F5: variants seen among roughly 807,000 people sequenced by gnomAD.
F5 encodes activated protein c cofactor.
F5 carries 138 observed loss-of-function variants against 216.4 expected under a neutral mutation model. That is an observed-to-expected ratio of 0.64 (90% confidence interval 0.56 to 0.73). The LOEUF is 0.73. F5 is among the 30% of genes least tolerant of loss of function. The pLI, the probability that F5 is intolerant of heterozygous loss-of-function variation, is 0.00. For missense variants in F5, 2,403 were observed against 2,674.0 expected (o/e 0.90, Z 2.24); for synonymous variants, 916 against 930.7 (o/e 0.98, Z 0.29).
Position 169,513,349 on chromosome 1 carries a change from T to C in F5, c.*964A>G, listed in dbSNP as rs956035197. ...ATGTGATTTTAAGGATGTCTAAAGG[T>C]TCCCCAGTTGTGCAATATCTACAGG... On this transcript the variant is annotated 3_prime_UTR_variant, in exon 25 of 25. Coordinates refer to ENST00000367797, the MANE Select transcript of F5 (RefSeq NM_000130.5). 6.6e-6 allele frequency among the ~76,000 whole-genome samples: 1 copy of C among 151,898 alleles called. No homozygotes were observed. The highest frequency in any genetic ancestry group is 6.6e-5 in the Admixed American group (1 of 15,230).
chr1:169,567,333 T>C (rs1407105825), intron 3 of F5, among the ~76,000 whole-genome samples: 2 of 151,892 alleles, frequency 1.3e-5, no homozygotes, highest in African/African-American at 2.4e-5. Context: ...TGTATACATA[T>C]GTAACTAACC....
chr1:169,548,791 C>A (rs1416822428), intron 10 of F5, among the ~76,000 whole-genome samples: 7 of 151,606 alleles, frequency 4.6e-5, no homozygotes, highest in African/African-American at 7.3e-5. Context: ...ATCACTTGAA[C>A]CCAGGAGGCA....
At position 169,528,047 on chromosome 1, in the gene F5, G is replaced by A; in HGVS notation, c.5467C>T (p.Gln1823Ter). The change falls in exon 17 of 25, where the codon CAA (glutamine) becomes TAA (stop). Residue 1823 changes from glutamine (Q) to a stop codon, truncating the protein, a stop_gained. Transcript: ENST00000367797. LOFTEE classifies it high-confidence loss of function. ...YSLPGLKMYE[Q>*]EWVRLHLLNI... ...AGCAGGTGTAACCTCACCCACTCTT[G>A]CTCATACATTTTCAGGCCAGGCAAG... The A allele has an allele frequency of 6.2e-7, 1 of 1,613,902 alleles. No homozygotes were observed. Among genetic ancestry groups the A allele is most frequent in the Non-Finnish European group, 8.5e-7 (1 of 1,179,846 alleles).
intron 2 of F5, among the ~76,000 whole-genome samples, chr1:169,581,182 G>GA (rs9332503): frequency 0.057 from 8,663 of 152,190 alleles, 337 homozygotes; most frequent in Middle Eastern, 0.12. Context: ...AGTGGCACTA[G>GA]AAAAAACAGG....
Position 169,560,544 on chromosome 1 carries a change from G to A in F5, c.586+10C>T, listed in dbSNP as rs770488236. On this transcript the variant is annotated intron_variant, in intron 4 of 24. Transcript: ENST00000367797. ...TTAGTTGTTGAATCTTTTGGTGGGG[G>A]TGTTCTTACCTTTTTTACAGATAAG... 2.0e-5 allele frequency: 33 copies of A among 1,612,206 alleles called. No individual in the cohort carries two copies. The South Asian group carries it at 3.5e-4, about 17-fold the overall frequency.
chr1:169,556,426 A>AAAAAAAAAAAAAAAAAAAAAAAAAAAAC, intron 6 of F5, among the ~76,000 whole-genome samples: 1 of 22,740 alleles, frequency 4.4e-5, no homozygotes, highest in Non-Finnish European at 1.1e-4. Context: ...TTGCTTAATT[A>AAAAAAAAAAAAAAAAAAAAAAAAAAAAC]AAAAAAAAAA....
chr1:169,529,914 G>C (rs1435694877), intron 15 of F5, 96 bp from the exon 16 acceptor site: 2 of 973,782 alleles, frequency 2.1e-6, no homozygotes, highest in Admixed American at 3.6e-5. Flanking sequence ...CTTTCTGATA[G>C]GCTCTGAATT....
At chr1:169,522,736 C>A (rs9332699) in intron 21 of F5, among the ~76,000 whole-genome samples, 1 of 152,132 alleles carries the variant, frequency 6.6e-6, no homozygotes, top group Non-Finnish European at 1.5e-5. Flanking sequence ...GCATGGCCCC[C>A]CAAAAAGTCT....
chr1:169,567,952 G>A (rs1337148003), intron 3 of F5, among the ~76,000 whole-genome samples: 1 of 152,142 alleles, frequency 6.6e-6, no homozygotes, highest in South Asian at 2.1e-4. Context: ...TATAACACTT[G>A]TGCTAGGTAT....
intron 6 of F5, 84 bp downstream of exon 6, chr1:169,556,562 A>G: frequency 7.3e-7 from 1 of 1,372,378 alleles, no homozygotes. Flanking sequence ...GGTGGCTTGA[A>G]AGGGCAAGGG....
At chr1:169,571,126 C>A (rs919501173) in intron 3 of F5, among the ~76,000 whole-genome samples, 36 of 152,204 alleles carry the variant, frequency 2.4e-4, no homozygotes, top group African/African-American at 8.7e-4. Context: ...AATATGGATA[C>A]AATTTTTTAT....
In F5 at chr1:169,582,407, T is replaced by TA. The variant is rs752203046; in HGVS notation, c.250+23dup. ...ACCCATAGAAATTTATCTTTAAAAT[T>TA]AAAAAAGTATATTTCAGGCTTACCT... On this transcript the variant is annotated intron_variant, in intron 2 of 24. Coordinates refer to ENST00000367797, the MANE Select transcript of F5 (RefSeq NM_000130.5). 50 of 1,299,616 alleles carry TA rather than the reference T, an allele frequency of 3.8e-5. No individual in the cohort carries two copies. The African/African-American group carries it at 6.9e-4, about 18-fold the overall frequency. 80.5% of individuals were successfully genotyped at this position (1,299,616 alleles called of 1,614,324 possible). A position where few individuals can be genotyped will look rare whatever the true frequency, so the allele number is the denominator to read the frequency against.
intron 7 of F5, among the ~76,000 whole-genome samples, chr1:169,553,606 C>T (rs1019924541): frequency 1.3e-5 from 2 of 152,196 alleles, no homozygotes; most frequent in African/African-American, 4.8e-5. Context: ...CCTGTAGTCT[C>T]AGCTACTCGG....
intron 23 of F5, among the ~76,000 whole-genome samples, chr1:169,516,432 G>A (rs1426577074): frequency 6.6e-6 from 1 of 152,114 alleles, no homozygotes; most frequent in Non-Finnish European, 1.5e-5. Flanking sequence ...ATATTGATAT[G>A]TTTCTTCAAC....
intron 2 of F5, among the ~76,000 whole-genome samples, chr1:169,574,762 G>A (rs1424947903): frequency 6.6e-6 from 1 of 152,146 alleles, no homozygotes; most frequent in Admixed American, 6.5e-5. Context: ...ATGATTTAAA[G>A]TTTAATATGT....
chr1:169,567,002 C>A (rs7542088), intron 3 of F5, among the ~76,000 whole-genome samples: 41,486 of 151,704 alleles, frequency 0.27, 6,011 homozygotes, highest in South Asian at 0.36. Context: ...TAACAAAGTA[C>A]CCTGGATTGA....
intron 1 of F5, among the ~76,000 whole-genome samples, chr1:169,583,423 C>T (rs947505530): frequency 2.4e-4 from 37 of 152,176 alleles, no homozygotes; most frequent in African/African-American, 1.7e-4. Context: ...TTCTATACAG[C>T]GCGGTGGCTA....
chr1:169,560,517 A>G lies in F5; in HGVS notation c.586+37T>C, dbSNP rs2157583. 10,314 of 1,601,294 alleles carry G rather than the reference A, an allele frequency of 6.4e-3. 493 individuals carry two copies. The African/African-American group carries it at 0.11, about 17-fold the overall frequency. On this transcript the variant is annotated intron_variant, in intron 4 of 24. Transcript: ENST00000367797. ...TGACAGAACTCCTGACCATTCCAACATTTAGTTGTTGAATCTTTTGGTGGG... is the reference window on the plus strand; with the variant it reads ...TGACAGAACTCCTGACCATTCCAACGTTTAGTTGTTGAATCTTTTGGTGGG...
intron 2 of F5, among the ~76,000 whole-genome samples, chr1:169,576,976 C>A (rs1193330569): frequency 1.3e-5 from 2 of 152,128 alleles, no homozygotes; most frequent in Non-Finnish European, 2.9e-5. Flanking sequence ...TAAGGCAAAA[C>A]AAAAGGATGT....
Sources: allele counts gnomAD v4.1 joint callset (sites outside exome capture counted in the v4.1 genomes callset), GRCh38; gene constraint gnomAD v4.1.1; transcripts MANE v1.5; gene names NCBI Gene and HGNC (gene_info 2026-07-23, HGNC 2026-07-21).